SYT17: variants seen among roughly 807,000 people sequenced by gnomAD.
SYT17 encodes synaptotagmin-17.
A neutral mutation model predicts 46.7 loss-of-function variants in SYT17; 22 were observed. That is an observed-to-expected ratio of 0.47 (90% confidence interval 0.34 to 0.67). The LOEUF is 0.67. SYT17 is among the 30% of genes least tolerant of loss of function. SYT17 has a pLI of 0.01. For missense variants in SYT17, 519 were observed against 612.8 expected (o/e 0.85, Z 1.62); for synonymous variants, 251 against 248.4 (o/e 1.01, Z -0.10).
intron 3 of SYT17, among the ~76,000 whole-genome samples, chr16:19,179,961 A>C (rs1567199122): frequency 6.6e-6 from 1 of 152,256 alleles, no homozygotes; most frequent in Non-Finnish European, 1.5e-5. Context: ...AATTATAGAC[A>C]CAGTGACTGT....
chr16:19,255,570 T>G (rs920490653), intron 7 of SYT17, among the ~76,000 whole-genome samples: 7 of 152,130 alleles, frequency 4.6e-5, no homozygotes, highest in Middle Eastern at 6.8e-3. Flanking sequence ...TAAGATTGCT[T>G]GAAGCCAGGA....
intron 7 of SYT17, among the ~76,000 whole-genome samples, chr16:19,240,695 T>C (rs1301895818): frequency 2.0e-5 from 3 of 152,140 alleles, no homozygotes. Context: ...GGACCAGCCC[T>C]CTTCTGCCCA....
In SYT17 at chr16:19,168,927, G is replaced by C. The variant is rs888164449; in HGVS notation, c.15+266G>C. Among the ~76,000 whole-genome samples the C allele has an allele frequency of 2.0e-5, 3 of 152,036 alleles. No homozygotes were observed. Among genetic ancestry groups the C allele is most frequent in the Non-Finnish European group, 4.4e-5 (3 of 67,964 alleles). On this transcript the variant is annotated intron_variant, in intron 1 of 7. Transcript: ENST00000355377. The surrounding 1 kb of genome is among the most constrained non-coding windows in gnomAD (Gnocchi z 6.9). The stretch of plus-strand genomic sequence containing the variant: ...CCTCTTGGGGAGGGAATGGGGGGTG[G>C]GGCGGACTTTTCTTCTCCCCTGCCC...
intron 4 of SYT17, among the ~76,000 whole-genome samples, chr16:19,182,376 T>C (rs1964592921): frequency 6.6e-6 from 1 of 152,212 alleles, no homozygotes; most frequent in Non-Finnish European, 1.5e-5. Flanking sequence ...GATCCGCCAC[T>C]GCACTCCAGC....
intron 5 of SYT17, among the ~76,000 whole-genome samples, chr16:19,186,576 G>A (rs116277364): frequency 2.4e-3 from 373 of 152,318 alleles, no homozygotes; most frequent in African/African-American, 8.1e-3. Context: ...ACTCTGGTCC[G>A]TCACACTCGG....
At chr16:19,223,377 C>G (rs1409826796) in intron 6 of SYT17, among the ~76,000 whole-genome samples, 1 of 152,130 alleles carries the variant, frequency 6.6e-6, no homozygotes, top group Non-Finnish European at 1.5e-5. Context: ...TATTTGAACC[C>G]AAGGAAGTGA....
intron 4 of SYT17, among the ~76,000 whole-genome samples, chr16:19,182,987 G>T (rs570429418): frequency 6.6e-6 from 1 of 152,268 alleles, no homozygotes; most frequent in South Asian, 2.1e-4. Flanking sequence ...GAATATGCCC[G>T]GAGTCACATG....
chr16:19,228,808 GT>G (rs1966584219), intron 7 of SYT17, among the ~76,000 whole-genome samples: 1 of 152,160 alleles, frequency 6.6e-6, no homozygotes, highest in Non-Finnish European at 1.5e-5. Flanking sequence ...AGAAAGAGCT[GT>G]CACCTCTAGG....
At chr16:19,202,168 C>T (rs1965492594) in intron 5 of SYT17, among the ~76,000 whole-genome samples, 1 of 151,966 alleles carries the variant, frequency 6.6e-6, no homozygotes, top group Non-Finnish European at 1.5e-5. Flanking sequence ...GATCTCAGTC[C>T]CATAAGATTG....
At chr16:19,171,167 A>G (rs943288757) in intron 1 of SYT17, 1 of 152,342 alleles carries the variant, frequency 6.6e-6, no homozygotes, top group Admixed American at 6.5e-5. Context: ...TGTTCTGTGT[A>G]TGGTTTGAGT....
chr16:19,194,450 TGGGCCA>T (rs1965153994), intron 5 of SYT17, among the ~76,000 whole-genome samples: 1 of 152,226 alleles, frequency 6.6e-6, no homozygotes, highest in Non-Finnish European at 1.5e-5. Context: ...GTCTTCACTT[TGGGCCA>T]GGGCAGCGTG....
chr16:19,188,513 C>CAAAAAAAAAAAAAAAAAAAAAAAAAGA (rs1964877733), intron 5 of SYT17, among the ~76,000 whole-genome samples: 2 of 64,584 alleles, frequency 3.1e-5, no homozygotes, highest in Non-Finnish European at 5.5e-5. Flanking sequence ...TTCAGTTCTG[C>CAAAAAAAAAAAAAAAAAAAAAAAAAGA]AAAAAAAAAA....
chr16:19,232,066 G>A (rs776332268), intron 7 of SYT17, among the ~76,000 whole-genome samples: 5 of 152,080 alleles, frequency 3.3e-5, no homozygotes, highest in East Asian at 3.9e-4. Flanking sequence ...CCGGGCTCCC[G>A]CCCCGGAAGA....
intron 5 of SYT17, among the ~76,000 whole-genome samples, chr16:19,193,820 TG>T (rs1447858592): frequency 6.6e-6 from 1 of 152,194 alleles, no homozygotes; most frequent in East Asian, 1.9e-4. Flanking sequence ...CCATGTGGCA[TG>T]GGTTGCAGGA....
At chr16:19,191,993 C>T (rs1965040655) in intron 5 of SYT17, among the ~76,000 whole-genome samples, 1 of 152,164 alleles carries the variant, frequency 6.6e-6, no homozygotes, top group South Asian at 2.1e-4. Flanking sequence ...ACCATGTTAG[C>T]CAGGATGGTC....
chr16:19,209,556 G>A (rs1965810336), intron 5 of SYT17, among the ~76,000 whole-genome samples: 2 of 152,102 alleles, frequency 1.3e-5, no homozygotes, highest in Admixed American at 1.3e-4. Context: ...TATGGAGGAA[G>A]GGCATTGCAC....
In SYT17 at chr16:19,183,633, G is replaced by A. The variant is rs918035715; in HGVS notation, c.437G>A (p.Arg146Gln). ...KEPIQPSVLR[R>Q]TYNPDDYFRK... ...CCCATCCAACCTTCGGTGCTCAGAC[G>A]GACCTATAACCCCGACGACTATTTC... The change falls in exon 5 of 8, where the codon CGG becomes CAG. Residue 146 changes from arginine to glutamine, a missense_variant. Coordinates refer to ENST00000355377, the MANE Select transcript of SYT17 (RefSeq NM_016524.4). The surrounding 1 kb of genome is among the most constrained non-coding windows in gnomAD (Gnocchi z 5.6). 6.8e-6 allele frequency: 11 copies of A among 1,614,086 alleles called. No individual in the cohort carries two copies. The African/African-American group carries it at 8.0e-5, about 12-fold the overall frequency.
chr16:19,256,394 G>A (rs1968562042), intron 7 of SYT17, among the ~76,000 whole-genome samples: 1 of 147,900 alleles, frequency 6.8e-6, no homozygotes, highest in Non-Finnish European at 1.5e-5. Context: ...CTGACTGTTG[G>A]CCTTTTCCCT....
chr16:19,218,008 C>G (rs1966161149), intron 5 of SYT17, among the ~76,000 whole-genome samples: 1 of 152,118 alleles, frequency 6.6e-6, no homozygotes, highest in Non-Finnish European at 1.5e-5. Flanking sequence ...TGAGTTTGAA[C>G]CTTGTTCTTT....
Sources: gnomAD v4.1 joint callset for allele counts (sites outside exome capture counted in the v4.1 genomes callset) on GRCh38, gnomAD v4.1.1 for gene constraint, Gnocchi (gnomAD v3.1) non-coding constraint, MANE v1.5 for transcripts, NCBI Gene and HGNC (gene_info 2026-07-23, HGNC 2026-07-21) for gene names.